Variants in PAK3 observed in about 807,000 individuals in gnomAD.
The protein encoded by PAK3 is serine/threonine-protein kinase PAK 3.
Under a neutral mutation model 41.0 loss-of-function variants are expected in PAK3, and 4 were observed. That is an observed-to-expected ratio of 0.10 (90% CI 0.05 to 0.22). PAK3 has a LOEUF of 0.22. Among genes scored for constraint, PAK3 ranks in the 10% least tolerant of loss-of-function variants. The pLI, the probability that PAK3 is intolerant of heterozygous loss-of-function variation, is 1.00. For missense variants in PAK3, 205 were observed against 409.9 expected (o/e 0.50, Z 4.32); for synonymous variants, 146 against 139.6 (o/e 1.05, Z -0.32).
chrX:111,209,001 A>G (rs1260345883), intron 16 of PAK3, among the ~76,000 whole-genome samples: 1 of 110,126 alleles, frequency 9.1e-6, no homozygotes, highest in Non-Finnish European at 1.9e-5. Context: ...AAACCCCTCT[A>G]CCTCTCTGAG....
In PAK3 at chrX:111,178,980, T is replaced by TAG. The variant is rs1556239020; in HGVS notation, c.830+5909_830+5910dup. Among the ~76,000 whole-genome samples, 475 of 91,571 alleles carry TAG rather than the reference T, an allele frequency of 5.2e-3. 3 individuals carry two copies. Among genetic ancestry groups the TAG allele is most frequent in the African/African-American group, 0.016 (397 of 24,892 alleles). The allele number at this position is 91,571 out of a possible 115,157, so 79.5% of individuals were successfully genotyped here. On this transcript the variant is annotated intron_variant, in intron 11 of 17. Coordinates refer to ENST00000372007, the MANE Select transcript of PAK3 (RefSeq NM_002578.5). Reference sequence around the variant, plus strand: ...TGTTTTATATATATATATATATATATAGAGAGAGAGATATCTGTATATCTA... The same window carrying TAG: ...TGTTTTATATATATATATATATATATAGAGAGAGAGAGATATCTGTATATCTA...
intron 17 of PAK3, chrX:111,217,098 ATACT>A (rs1445337269): frequency 9.2e-6 from 6 of 648,738 alleles, no homozygotes; most frequent in Non-Finnish European, 1.1e-5. Context: ...ATGAGAAATA[ATACT>A]TACTATGTAC....
chrX:111,205,770 T>C (rs1307257612), intron 16 of PAK3, among the ~76,000 whole-genome samples: 1 of 111,392 alleles, frequency 9.0e-6, no homozygotes, highest in Non-Finnish European at 1.9e-5. Flanking sequence ...CATATAAAAA[T>C]AGAAGTTGAA....
At chrX:111,213,397 G>A (rs1195776156) in intron 16 of PAK3, among the ~76,000 whole-genome samples, 2 of 111,710 alleles carry the variant, frequency 1.8e-5, no homozygotes, top group Non-Finnish European at 3.8e-5. Context: ...TCATTTTTTT[G>A]GATTCATAAA....
At chrX:110,956,243 A>G (rs1288714822) in intron 1 of PAK3, among the ~76,000 whole-genome samples, 2 of 111,959 alleles carry the variant, frequency 1.8e-5, no homozygotes, top group African/African-American at 6.5e-5. Context: ...AATGGGGATA[A>G]TAATAGTAGC....
At chrX:110,979,535 G>A (rs1436043743) in intron 1 of PAK3, among the ~76,000 whole-genome samples, 13 of 110,984 alleles carry the variant, frequency 1.2e-4, no homozygotes, top group Non-Finnish European at 3.8e-5. Context: ...CTGACCTCGT[G>A]ATCTGGCCTT....
At chrX:111,161,787 A>T (rs1167113764) in intron 8 of PAK3, among the ~76,000 whole-genome samples, 1 of 110,915 alleles carries the variant, frequency 9.0e-6, no homozygotes, top group Non-Finnish European at 1.9e-5. Context: ...GATATGTGGC[A>T]TTATTTCTGA....
intron 16 of PAK3, among the ~76,000 whole-genome samples, chrX:111,207,763 G>GTGTT (rs1240041972): frequency 8.9e-6 from 1 of 111,829 alleles, no homozygotes; most frequent in Non-Finnish European, 1.9e-5. Flanking sequence ...CTAGGCTAAT[G>GTGTT]TGTTTGTTTG....
chrX:111,067,821 A>G (rs1428111684), intron 1 of PAK3, among the ~76,000 whole-genome samples: 1 of 109,936 alleles, frequency 9.1e-6, no homozygotes, highest in Admixed American at 9.7e-5. Context: ...TTAGTCTATA[A>G]TTTTCTTTTT....
rs141178785 is a variant in PAK3 at position 111,193,813 on chromosome X, A to G, written c.993-488A>G. On this transcript the variant is annotated intron_variant, in intron 13 of 17. Transcript: ENST00000372007. Reference sequence around the variant, plus strand: ...CAAAAAAAACAATGCATTTGCACTTATAAAAAATTCAGAATTCTAGGCTGC... The same window carrying G: ...CAAAAAAAACAATGCATTTGCACTTGTAAAAAATTCAGAATTCTAGGCTGC... Among the ~76,000 whole-genome samples, 676 of 112,294 alleles carry G rather than the reference A, an allele frequency of 6.0e-3. 9 individuals are homozygous for G. The highest frequency in any genetic ancestry group is 0.02 in the African/African-American group (627 of 30,920).
At position 111,181,422 on chromosome X, in the gene PAK3, C is replaced by G. The variant is rs367584795; in HGVS notation, c.830+8341C>G. On this transcript the variant is annotated intron_variant, in intron 11 of 17. Transcript: ENST00000372007. The stretch of plus-strand genomic sequence containing the variant: ...ATATAGAATGATGATATGTTCAATT[C>G]ATCAATAATTGCTAACAAATTTTGC... 2.7e-5 allele frequency among the ~76,000 whole-genome samples: 3 copies of G among 111,315 alleles called. No individual in the cohort carries two copies. In the East Asian group the frequency reaches 8.5e-4, roughly 32 times the overall value.
At chrX:111,061,295 T>G (rs1465875933) in intron 1 of PAK3, among the ~76,000 whole-genome samples, 1 of 112,143 alleles carries the variant, frequency 8.9e-6, no homozygotes, top group African/African-American at 3.2e-5. Flanking sequence ...TCACTTTTAT[T>G]ATATACTAAA....
At chrX:111,085,699 C>T (rs1245279874) in intron 1 of PAK3, among the ~76,000 whole-genome samples, 3 of 111,950 alleles carry the variant, frequency 2.7e-5, no homozygotes, top group South Asian at 3.8e-4. Flanking sequence ...ACTCCCCAGA[C>T]GCCTGCAGTG....
At chrX:111,041,986 A>G (rs576019384) in intron 1 of PAK3, among the ~76,000 whole-genome samples, 51 of 112,022 alleles carry the variant, frequency 4.6e-4, no homozygotes, top group African/African-American at 1.7e-3. Context: ...CTGCATATAT[A>G]TGTGTCTCTA....
intron 17 of PAK3, among the ~76,000 whole-genome samples, chrX:111,219,798 G>T (rs1007205865): frequency 3.1e-4 from 35 of 111,415 alleles, no homozygotes; most frequent in African/African-American, 1.0e-3. Flanking sequence ...TGAAACCAGG[G>T]AAGAAAATGG....
At chrX:111,185,656 C>G (rs1388131295) in intron 11 of PAK3, among the ~76,000 whole-genome samples, 1 of 111,142 alleles carries the variant, frequency 9.0e-6, no homozygotes, top group Non-Finnish European at 1.9e-5. Flanking sequence ...AATAGGGAAT[C>G]CTTTCCCCAT....
chrX:111,059,120 C>CTTTT (rs2092631303), intron 1 of PAK3, among the ~76,000 whole-genome samples: 1 of 16,582 alleles, frequency 6.0e-5, no homozygotes, highest in African/African-American at 9.4e-5. Context: ...ATCAACTTTT[C>CTTTT]CTTTTTTTTT....
At chrX:111,083,048 C>T (rs1271554607) in intron 1 of PAK3, among the ~76,000 whole-genome samples, 1 of 112,299 alleles carries the variant, frequency 8.9e-6, no homozygotes, top group Non-Finnish European at 1.9e-5. Flanking sequence ...TATTTTCTCC[C>T]AAGGTGATTT....
At chrX:111,094,877 C>T (rs185226887), upstream of PAK3, among the ~76,000 whole-genome samples, 715 of 109,413 alleles carry the variant, frequency 6.5e-3, 10 homozygotes, top group African/African-American at 0.022. Flanking sequence ...TTAGTAGAGA[C>T]GGGGTTTCAT....
Sources: allele counts gnomAD v4.1 joint callset (sites outside exome capture counted in the v4.1 genomes callset), GRCh38; gene constraint gnomAD v4.1.1; transcripts MANE v1.5; gene names NCBI Gene and HGNC (gene_info 2026-07-23, HGNC 2026-07-21).